The following MAP2K4 variants were observed in gnomAD, a reference collection of about 807,000 sequenced individuals.
The protein encoded by MAP2K4 is dual specificity mitogen-activated protein kinase kinase 4.
In MAP2K4, 4 loss-of-function variants were observed where a neutral mutation model predicts 48.5. The ratio of observed to expected loss-of-function variants is 0.08; its 90% CI spans 0.04 to 0.19. MAP2K4 has a LOEUF of 0.19. Ranked by LOEUF, MAP2K4 falls within the 10% of genes least tolerant of loss-of-function variation. MAP2K4 has a pLI of 1.00. For missense variants in MAP2K4, 258 were observed against 493.3 expected (o/e 0.52, Z 4.52); for synonymous variants, 166 against 173.1 (o/e 0.96, Z 0.32).
At chr17:12,138,073 A>G (rs1444382505) in intron 9 of MAP2K4, among the ~76,000 whole-genome samples, 1 of 152,176 alleles carries the variant, frequency 6.6e-6, no homozygotes, top group African/African-American at 2.4e-5. Flanking sequence ...AAGTGGAGTC[A>G]CAGCACCAGA....
At chr17:12,088,769 C>T (rs1357168414) in intron 3 of MAP2K4, among the ~76,000 whole-genome samples, 3 of 150,716 alleles carry the variant, frequency 2.0e-5, no homozygotes, top group African/African-American at 2.4e-5. Context: ...TAAATATTTA[C>T]TAATATCTAC....
rs574999151 is a variant in MAP2K4 at position 12,087,823 on chromosome 17, G to A, written c.393+6293G>A. On this transcript the variant is annotated intron_variant, in intron 3 of 10. Coordinates refer to ENST00000353533, the MANE Select transcript of MAP2K4 (RefSeq NM_003010.4). ...AAAGAAAGATTTACATCTGTGATCA[G>A]CATTCTAGATAATTTGCTTGCTTCT... 1.1e-3 allele frequency among the ~76,000 whole-genome samples: 172 copies of A among 152,068 alleles called. 1 individual carries two copies. Among genetic ancestry groups the A allele is most frequent in the Non-Finnish European group, 2.0e-3 (134 of 67,990 alleles).
chr17:12,140,476 T>A (rs547913067), intron 10 of MAP2K4, among the ~76,000 whole-genome samples: 1 of 152,344 alleles, frequency 6.6e-6, no homozygotes, highest in South Asian at 2.1e-4. Flanking sequence ...CACCAATGAC[T>A]GTAAAAATAT....
intron 3 of MAP2K4, among the ~76,000 whole-genome samples, chr17:12,087,758 T>G (rs1026063260): frequency 6.6e-6 from 1 of 152,162 alleles, no homozygotes; most frequent in African/African-American, 2.4e-5. Context: ...CTTTCACAAT[T>G]TAAAATAATT....
chr17:12,136,642 CATT>C (rs1973219450), intron 9 of MAP2K4, among the ~76,000 whole-genome samples: 1 of 149,130 alleles, frequency 6.7e-6, no homozygotes, highest in Admixed American at 6.9e-5. Flanking sequence ...TTATTGATAA[CATT>C]ATTAGTGTCA....
chr17:12,127,142 A>G (rs1200880953), intron 8 of MAP2K4, among the ~76,000 whole-genome samples: 1 of 152,204 alleles, frequency 6.6e-6, no homozygotes, highest in Non-Finnish European at 1.5e-5. Flanking sequence ...AATTCTTCGT[A>G]TAGAGAGTTG....
intron 1 of MAP2K4, among the ~76,000 whole-genome samples, chr17:12,032,509 T>C (rs927677474): frequency 3.3e-5 from 5 of 152,142 alleles, no homozygotes; most frequent in African/African-American, 1.2e-4. Context: ...TAGCAAAATA[T>C]GTATAGGTAT....
At chr17:12,138,430 A>G (rs1012286954) in intron 9 of MAP2K4, among the ~76,000 whole-genome samples, 12 of 152,296 alleles carry the variant, frequency 7.9e-5, no homozygotes, top group Admixed American at 7.2e-4. Flanking sequence ...TATTAAGAAA[A>G]TCATAAGGAA....
chr17:12,055,823 T>C (rs1970269747), intron 2 of MAP2K4, among the ~76,000 whole-genome samples: 1 of 152,092 alleles, frequency 6.6e-6, no homozygotes, highest in Non-Finnish European at 1.5e-5. Context: ...AAAACAGCAA[T>C]GTCTAGAAGG....
intron 1 of MAP2K4, among the ~76,000 whole-genome samples, chr17:12,042,700 C>T (rs1969829105): frequency 6.6e-6 from 1 of 151,724 alleles, no homozygotes; most frequent in South Asian, 2.1e-4. Context: ...GGAAGGTAGA[C>T]TCTCTGACTT....
chr17:12,092,237 C>CA (rs1291806646), intron 3 of MAP2K4, among the ~76,000 whole-genome samples: 1 of 152,054 alleles, frequency 6.6e-6, no homozygotes, highest in Admixed American at 6.5e-5. Flanking sequence ...TCCTGCTATT[C>CA]AAAGTTTTTT....
chr17:12,062,888 C>A (rs982195095), intron 2 of MAP2K4, among the ~76,000 whole-genome samples: 3 of 151,762 alleles, frequency 2.0e-5, no homozygotes, highest in Non-Finnish European at 4.4e-5. Flanking sequence ...TTCTTCCCCC[C>A]CACCTCCCCT....
rs1014499283 is a variant in MAP2K4, at chr17:12,121,054, G to C, written c.814-4240G>C. Among the ~76,000 whole-genome samples the C allele has an allele frequency of 2.0e-5, 3 of 152,178 alleles. No homozygotes were observed. In the East Asian group the frequency reaches 5.8e-4, roughly 29 times the overall value. On this transcript the variant is annotated intron_variant, in intron 7 of 10. Coordinates refer to ENST00000353533, the MANE Select transcript of MAP2K4 (RefSeq NM_003010.4). Reference sequence around the variant, plus strand: ...CCTATTAATAGCATGTAAATTCCGAGTCCGGAATGATGGTGATGCCCAGCA... The same window carrying C: ...CCTATTAATAGCATGTAAATTCCGACTCCGGAATGATGGTGATGCCCAGCA...
At chr17:12,041,337 C>T (rs1969774088) in intron 1 of MAP2K4, among the ~76,000 whole-genome samples, 1 of 152,078 alleles carries the variant, frequency 6.6e-6, no homozygotes, top group Admixed American at 6.5e-5. Context: ...TCATTTTCTA[C>T]CTTTGTTATT....
chr17:12,038,206 G>A (rs967195992), intron 1 of MAP2K4, among the ~76,000 whole-genome samples: 2 of 152,078 alleles, frequency 1.3e-5, no homozygotes, highest in Admixed American at 1.3e-4. Flanking sequence ...AGTTAAAGTG[G>A]TTTTCAATTT....
chr17:12,031,856 G>A (rs532627044), intron 1 of MAP2K4, among the ~76,000 whole-genome samples: 3 of 152,248 alleles, frequency 2.0e-5, no homozygotes, highest in Admixed American at 6.5e-5. Context: ...CATCATAGAT[G>A]GTAATTAATC....
intron 2 of MAP2K4, among the ~76,000 whole-genome samples, chr17:12,074,662 C>T (rs764085729): frequency 3.9e-5 from 6 of 152,242 alleles, no homozygotes; most frequent in Middle Eastern, 6.8e-3. Context: ...CTCTGCATAT[C>T]GGTGGGGTTC....
chr17:12,143,636 C>T lies in MAP2K4; in HGVS notation c.*2376C>T, dbSNP rs947792171. Reference sequence around the variant, plus strand: ...ATCCTGTATTCTTGTTTGAATTCCTCCTCTATTTAAGATATATACATGGAA... The same window carrying T: ...ATCCTGTATTCTTGTTTGAATTCCTTCTCTATTTAAGATATATACATGGAA... On this transcript the variant is annotated 3_prime_UTR_variant, in exon 11 of 11. Transcript: ENST00000353533. 5 of 230,902 alleles carry T rather than the reference C, an allele frequency of 2.2e-5. No homozygotes were observed. Among genetic ancestry groups the T allele is most frequent in the African/African-American group, 1.1e-4 (5 of 45,206 alleles). The allele number at this position is 230,902 out of a possible 1,614,324, so 14.3% of individuals were successfully genotyped here.
At chr17:12,115,865 G>A (rs1194515905) in intron 7 of MAP2K4, 12 of 665,776 alleles carry the variant, frequency 1.8e-5, no homozygotes, top group Admixed American at 7.5e-5. Flanking sequence ...CTGCATCGTC[G>A]GCACCTTTGG....
Sources: gnomAD v4.1 joint callset for allele counts (sites outside exome capture counted in the v4.1 genomes callset) on GRCh38, gnomAD v4.1.1 for gene constraint, MANE v1.5 for transcripts, NCBI Gene and HGNC (gene_info 2026-07-23, HGNC 2026-07-21) for gene names.